The following GRM1 variants were observed in gnomAD, a reference collection of about 807,000 sequenced individuals.
GRM1 encodes the protein metabotropic glutamate receptor 1.
GRM1 carries 33 observed loss-of-function variants against 90.9 expected under a neutral mutation model. That is an observed-to-expected ratio of 0.36 (90% CI 0.28 to 0.49). The LOEUF (loss-of-function observed/expected upper bound fraction) is 0.49, where lower values mean the gene tolerates loss of function less well. GRM1 is among the 20% of genes least tolerant of loss of function. The pLI is 0.99. For missense variants in GRM1, 1,190 were observed against 1,534.3 expected (o/e 0.78, Z 3.75); for synonymous variants, 700 against 613.2 (o/e 1.14, Z -2.09).
At chr6:146,234,775 C>T (rs1485714708) in intron 2 of GRM1, among the ~76,000 whole-genome samples, 2 of 152,140 alleles carry the variant, frequency 1.3e-5, no homozygotes, top group Non-Finnish European at 2.9e-5. Flanking sequence ...CAGGGTCTCA[C>T]TCTGTCACCC....
At chr6:146,106,910 A>C (rs189807433) in intron 1 of GRM1, among the ~76,000 whole-genome samples, 12 of 152,344 alleles carry the variant, frequency 7.9e-5, no homozygotes, top group Non-Finnish European at 1.3e-4. Flanking sequence ...TTATTAGCCA[A>C]ACAATGATAA....
At chr6:146,110,422 A>G (rs1275012787) in intron 1 of GRM1, among the ~76,000 whole-genome samples, 1 of 152,154 alleles carries the variant, frequency 6.6e-6, no homozygotes, top group Non-Finnish European at 1.5e-5. Context: ...ACCTTCCATC[A>G]TGATTGTGAG....
At chr6:146,230,209 T>G (rs1358691118) in intron 2 of GRM1, among the ~76,000 whole-genome samples, 1 of 152,218 alleles carries the variant, frequency 6.6e-6, no homozygotes, top group African/African-American at 2.4e-5. Context: ...ATAATAAAAT[T>G]TCAAGAGAAT....
chr6:146,333,561 A>G (rs954120033), intron 3 of GRM1, among the ~76,000 whole-genome samples: 1 of 152,190 alleles, frequency 6.6e-6, no homozygotes, highest in African/African-American at 2.4e-5. Context: ...AATGACAGTT[A>G]TATCTTACTC....
intron 2 of GRM1, among the ~76,000 whole-genome samples, chr6:146,219,302 A>G (rs1779976274): frequency 6.6e-6 from 1 of 152,194 alleles, no homozygotes. Flanking sequence ...GGTGTGAGAA[A>G]GCTTGTTGAG....
At chr6:146,060,400 C>T (rs1296513852) in intron 1 of GRM1, among the ~76,000 whole-genome samples, 1 of 152,154 alleles carries the variant, frequency 6.6e-6, no homozygotes, top group East Asian at 1.9e-4. Flanking sequence ...ACCCTCCTCC[C>T]ACTCTCCACC....
At chr6:146,155,039 T>C (rs1326502186) in intron 1 of GRM1, among the ~76,000 whole-genome samples, 1 of 152,222 alleles carries the variant, frequency 6.6e-6, no homozygotes, top group Non-Finnish European at 1.5e-5. Context: ...TCCATTGGGC[T>C]GATACAACAA....
At chr6:146,062,650 T>C (rs1295742858) in intron 1 of GRM1, among the ~76,000 whole-genome samples, 1 of 152,136 alleles carries the variant, frequency 6.6e-6, no homozygotes, top group African/African-American at 2.4e-5. Flanking sequence ...TTTCTCATCC[T>C]TTCTAATCTA....
chr6:146,203,456 G>A (rs1779391031), intron 2 of GRM1, among the ~76,000 whole-genome samples: 1 of 152,060 alleles, frequency 6.6e-6, no homozygotes, highest in African/African-American at 2.4e-5. Flanking sequence ...GCAAAGTGAG[G>A]CACATCTCTT....
chr6:146,067,082 G>T (rs984753578), intron 1 of GRM1, among the ~76,000 whole-genome samples: 2 of 152,134 alleles, frequency 1.3e-5, no homozygotes, highest in African/African-American at 4.8e-5. Context: ...ACCCATTTTA[G>T]TTAATATTTC....
In GRM1 at chr6:146,300,430, ATCT is replaced by A. The variant is rs1286932005; in HGVS notation, c.951-4177_951-4175del. On this transcript the variant is annotated intron_variant, in intron 2 of 7. Coordinates refer to ENST00000282753, the MANE Select transcript of GRM1 (RefSeq NM_001278064.2). ...TATTAGAATGTATAAGATAGAAGAA[ATCT>A]TCTAACTATTCAGGTTTGAAATGTG... 2.6e-5 allele frequency among the ~76,000 whole-genome samples: 4 copies of A among 152,310 alleles called. No homozygotes were observed. The East Asian group carries it at 7.7e-4, about 29-fold the overall frequency.
intron 2 of GRM1, among the ~76,000 whole-genome samples, chr6:146,270,716 C>G (rs541494293): frequency 6.6e-6 from 1 of 152,230 alleles, no homozygotes; most frequent in South Asian, 2.1e-4. Flanking sequence ...ATTGAAACTA[C>G]AAACTAATTT....
chr6:146,277,462 G>A (rs1782416782), intron 2 of GRM1, among the ~76,000 whole-genome samples: 2 of 152,164 alleles, frequency 1.3e-5, no homozygotes, highest in Non-Finnish European at 2.9e-5. Flanking sequence ...GCTTTTGAGG[G>A]GTTAGAGACT....
intron 2 of GRM1, among the ~76,000 whole-genome samples, chr6:146,251,600 G>T (rs1180194588): frequency 2.6e-5 from 4 of 152,210 alleles, no homozygotes; most frequent in African/African-American, 9.7e-5. Context: ...TTTCACAGTT[G>T]TTCAGAAGCA....
At chr6:146,037,352 G>A (rs1790928447) in intron 1 of GRM1, among the ~76,000 whole-genome samples, 1 of 151,908 alleles carries the variant, frequency 6.6e-6, no homozygotes. Context: ...AAACTTTCTT[G>A]TTACAAATGA....
At chr6:146,137,054 T>C (rs1776651837) in intron 1 of GRM1, among the ~76,000 whole-genome samples, 1 of 152,086 alleles carries the variant, frequency 6.6e-6, no homozygotes, top group South Asian at 2.1e-4. Context: ...GGTTTCGCCA[T>C]GTTGTCCAGG....
chr6:146,210,105 C>T (rs1307476880), intron 2 of GRM1, among the ~76,000 whole-genome samples: 1 of 152,120 alleles, frequency 6.6e-6, no homozygotes, highest in Non-Finnish European at 1.5e-5. Flanking sequence ...TCATAGGAGT[C>T]TCTTGGCTTT....
intron 2 of GRM1, among the ~76,000 whole-genome samples, chr6:146,183,680 A>C (rs1321998032): frequency 6.6e-6 from 1 of 152,108 alleles, no homozygotes; most frequent in African/African-American, 2.4e-5. Flanking sequence ...GTCTTTCTTA[A>C]GTAACTGTGC....
In GRM1 at chr6:146,040,818, C is replaced by T. The variant is rs552628774; in HGVS notation, c.700+10601C>T. ...GTTGGGGAGTTTTCTTGTATTATTTCTTTATGTGATCTTTCTACCACTTGC... is the reference window on the plus strand; with the variant it reads ...GTTGGGGAGTTTTCTTGTATTATTTTTTTATGTGATCTTTCTACCACTTGC... On this transcript the variant is annotated intron_variant, in intron 1 of 7. Transcript: ENST00000282753. 1.1e-3 allele frequency among the ~76,000 whole-genome samples: 170 copies of T among 151,950 alleles called. 1 individual carries two copies. The highest frequency in any genetic ancestry group is 4.0e-3 in the African/African-American group (164 of 41,494).
Sources: allele counts gnomAD v4.1 joint callset (sites outside exome capture counted in the v4.1 genomes callset), GRCh38; gene constraint gnomAD v4.1.1; transcripts MANE v1.5; gene names NCBI Gene and HGNC (gene_info 2026-07-23, HGNC 2026-07-21).